Variants in EPC2 observed in about 807,000 individuals in gnomAD.
EPC2 encodes enhancer of polycomb homolog 2.
A neutral mutation model predicts 92.1 loss-of-function variants in EPC2; 14 were observed. The observed-to-expected ratio is 0.15, with a 90% confidence interval of 0.10 to 0.24. The LOEUF is 0.24. Ranked by LOEUF, EPC2 falls within the 10% of genes least tolerant of loss-of-function variation. The pLI, the probability that EPC2 is intolerant of heterozygous loss-of-function variation, is 1.00. For synonymous variants in EPC2, 340 were observed against 334.7 expected (o/e 1.02, Z -0.17); for missense variants, 755 against 971.5 (o/e 0.78, Z 2.96).
chr2:148,646,185 T>A (rs943126789), intron 1 of EPC2, among the ~76,000 whole-genome samples: 1 of 152,136 alleles, frequency 6.6e-6, no homozygotes, highest in African/African-American at 2.4e-5. Context: ...CTCGGGTGTG[T>A]GTGGATTGGT....
chr2:148,785,617 C>T (rs1291520816), intron 13 of EPC2, among the ~76,000 whole-genome samples: 4 of 152,092 alleles, frequency 2.6e-5, no homozygotes, highest in Admixed American at 1.3e-4. Flanking sequence ...TGAAGTTCCT[C>T]TTGTATTAAT....
intron 9 of EPC2, 34 bp downstream of exon 9, chr2:148,770,971 C>T: frequency 6.3e-7 from 1 of 1,597,534 alleles, no homozygotes; most frequent in Non-Finnish European, 8.5e-7. Context: ...TTTTTGTTTG[C>T]TATCTGGAAC....
At chr2:148,708,641 C>T (rs1397361931) in intron 2 of EPC2, among the ~76,000 whole-genome samples, 1 of 152,190 alleles carries the variant, frequency 6.6e-6, no homozygotes, top group Non-Finnish European at 1.5e-5. Context: ...AAAAGCTTAT[C>T]CACCAATATC....
intron 1 of EPC2, among the ~76,000 whole-genome samples, chr2:148,678,798 G>C (rs1327958822): frequency 6.6e-6 from 1 of 152,264 alleles, no homozygotes; most frequent in Non-Finnish European, 1.5e-5. Flanking sequence ...AGCTGAGGGA[G>C]CAGGTTCCAG....
intron 1 of EPC2, among the ~76,000 whole-genome samples, chr2:148,664,235 A>G (rs1319997237): frequency 6.6e-6 from 1 of 152,192 alleles, no homozygotes; most frequent in African/African-American, 2.4e-5. Context: ...ACAGTGGCTC[A>G]CACCTGTAAT....
At chr2:148,746,748 C>T (rs1314381699) in intron 3 of EPC2, among the ~76,000 whole-genome samples, 1 of 151,976 alleles carries the variant, frequency 6.6e-6, no homozygotes, top group Non-Finnish European at 1.5e-5. Context: ...GAAATATACA[C>T]TTAAGTATCT....
chr2:148,663,077 A>T (rs916587648), intron 1 of EPC2, among the ~76,000 whole-genome samples: 4 of 151,632 alleles, frequency 2.6e-5, no homozygotes, highest in African/African-American at 9.7e-5. Flanking sequence ...GTAGGGTGAG[A>T]TGATTTACCA....
intron 3 of EPC2, among the ~76,000 whole-genome samples, chr2:148,749,030 G>A (rs1393018715): frequency 1.3e-5 from 2 of 152,126 alleles, no homozygotes; most frequent in East Asian, 3.8e-4. Flanking sequence ...CCTGATTCCA[G>A]CCATGCTGAA....
At chr2:148,704,890 TTTTTTC>T (rs1157008143) in intron 2 of EPC2, among the ~76,000 whole-genome samples, 11 of 151,974 alleles carry the variant, frequency 7.2e-5, no homozygotes, top group South Asian at 2.1e-4. Context: ...AATGTGTATC[TTTTTTC>T]TTTTTCTTTT....
chr2:148,681,626 T>C (rs1681399083), intron 1 of EPC2, among the ~76,000 whole-genome samples: 1 of 151,186 alleles, frequency 6.6e-6, no homozygotes, highest in South Asian at 2.1e-4. Context: ...TTCTTTTCCG[T>C]AAAAAAAAAT....
In EPC2 at chr2:148,762,741, A is replaced by G. The variant is rs764974450; in HGVS notation, c.887A>G (p.Tyr296Cys). ...VKISRSEKEL[Y>C]ATPATLHNGN... ...ATCAGTAGATCAGAAAAAGAGTTAT[A>G]TGCCACTCCAGCAACTCTTCATAAT... The change falls in exon 6 of 14, where the codon TAT becomes TGT. Residue 296 changes from tyrosine (Y) to cysteine (C), a missense_variant. This residue lies in a region of EPC2 where 509 missense variants were observed against 607.7 expected (regional missense o/e 0.84). Coordinates refer to ENST00000258484, the MANE Select transcript of EPC2 (RefSeq NM_015630.4). 9.3e-6 allele frequency: 15 copies of G among 1,611,230 alleles called. No individual in the cohort carries two copies. The highest frequency in any genetic ancestry group is 3.3e-4 in the Middle Eastern group (2 of 6,044).
intron 10 of EPC2, among the ~76,000 whole-genome samples, chr2:148,773,200 C>G (rs1683561774): frequency 6.6e-6 from 1 of 151,972 alleles, no homozygotes; most frequent in Admixed American, 6.6e-5. Flanking sequence ...TTAAATAGTT[C>G]CATTATAATC....
intron 3 of EPC2, among the ~76,000 whole-genome samples, chr2:148,744,651 T>G (rs1682944602): frequency 6.6e-6 from 1 of 152,130 alleles, no homozygotes; most frequent in Non-Finnish European, 1.5e-5. Context: ...CTGCAATTGG[T>G]GATTTTTATG....
intron 1 of EPC2, among the ~76,000 whole-genome samples, chr2:148,675,316 T>A (rs1681240505): frequency 6.6e-6 from 1 of 152,172 alleles, no homozygotes; most frequent in Admixed American, 6.5e-5. Context: ...ATTTTTAAAA[T>A]TTTTCGTATC....
intron 2 of EPC2, among the ~76,000 whole-genome samples, chr2:148,716,011 T>G (rs1346715359): frequency 6.6e-6 from 1 of 152,224 alleles, no homozygotes; most frequent in Non-Finnish European, 1.5e-5. Context: ...CATTCGTGAT[T>G]TGGCTCTCTG....
At chr2:148,715,458 G>A (rs968382318) in intron 2 of EPC2, among the ~76,000 whole-genome samples, 4 of 152,064 alleles carry the variant, frequency 2.6e-5, no homozygotes, top group East Asian at 1.9e-4. Context: ...CCAGTTTTCC[G>A]AGCACCATTT....
intron 2 of EPC2, among the ~76,000 whole-genome samples, chr2:148,737,613 G>C (rs1026965575): frequency 1.3e-5 from 2 of 152,082 alleles, no homozygotes; most frequent in African/African-American, 2.4e-5. Flanking sequence ...AGCAACGTTT[G>C]TAGGTCAAAC....
In EPC2 at chr2:148,743,681, T is replaced by G; in HGVS notation, c.373T>G (p.Leu125Val). ...YDMDSEDETL[L>V]NRLNRKMEIK... is the part of the protein sequence containing the mutation. ...TATGGATTCAGAAGATGAGACTTTATTAAATAGACTTAACAGAAAGATGGA... is the reference window on the plus strand; with the variant it reads ...TATGGATTCAGAAGATGAGACTTTAGTAAATAGACTTAACAGAAAGATGGA... Residue 125 changes from leucine to valine, a missense_variant, in exon 3 of 14, where the codon TTA becomes GTA. By Grantham distance (32) the Leu-to-Val change is conservative. Coordinates refer to ENST00000258484, the MANE Select transcript of EPC2 (RefSeq NM_015630.4). The G allele has an allele frequency of 6.2e-7, 1 of 1,603,854 alleles. No homozygotes were observed. Among genetic ancestry groups the G allele is most frequent in the Non-Finnish European group, 8.5e-7 (1 of 1,175,516 alleles).
chr2:148,744,640 G>A (rs927396832), intron 3 of EPC2, among the ~76,000 whole-genome samples: 3 of 152,028 alleles, frequency 2.0e-5, no homozygotes, highest in African/African-American at 7.2e-5. Context: ...ATATTTGGGT[G>A]CTGCAATTGG....
Sources: allele counts gnomAD v4.1 joint callset (sites outside exome capture counted in the v4.1 genomes callset), GRCh38; gene constraint gnomAD v4.1.1; regional missense constraint gnomAD v4.1.1; transcripts MANE v1.5; gene names NCBI Gene and HGNC (gene_info 2026-07-23, HGNC 2026-07-21).